DCLK1: variants seen among roughly 807,000 people sequenced by gnomAD.
The protein encoded by DCLK1 is doublecortin like kinase 1, also known as serine/threonine-protein kinase DCLK1.
DCLK1 carries 16 observed loss-of-function variants against 86.2 expected under a neutral mutation model. The observed-to-expected ratio is 0.19, with a 90% CI of 0.13 to 0.28. The LOEUF (loss-of-function observed/expected upper bound fraction) is 0.28, where lower values mean the gene tolerates loss of function less well. Among genes scored for constraint, DCLK1 ranks in the 10% least tolerant of loss-of-function variants. The pLI, the probability that DCLK1 is intolerant of heterozygous loss-of-function variation, is 1.00. For synonymous variants in DCLK1, 369 were observed against 370.5 expected, an observed-to-expected ratio of 1.00 and a Z score of 0.05; for missense variants, 590 against 940.2, an observed-to-expected ratio of 0.63 and a Z score of 4.87.
chr13:36,018,061 C>T (rs529757895), intron 3 of DCLK1, among the ~76,000 whole-genome samples: 1 of 152,306 alleles, frequency 6.6e-6, no homozygotes, highest in East Asian at 1.9e-4. Flanking sequence ...GAAAGATTAA[C>T]ACACTTGCCT....
intron 8 of DCLK1, among the ~76,000 whole-genome samples, chr13:35,835,013 C>T (rs965676800): frequency 1.3e-5 from 2 of 152,156 alleles, no homozygotes; most frequent in Non-Finnish European, 2.9e-5. Flanking sequence ...AGATGTGGGG[C>T]CCTGTAGAGA....
At chr13:36,003,483 T>G (rs1009091584) in intron 3 of DCLK1, among the ~76,000 whole-genome samples, 2 of 152,214 alleles carry the variant, frequency 1.3e-5, no homozygotes, top group Non-Finnish European at 2.9e-5. Flanking sequence ...TTTAACTTCT[T>G]ATAGGTTATC....
chr13:35,826,420 G>A (rs964310771), intron 10 of DCLK1, among the ~76,000 whole-genome samples: 3 of 151,218 alleles, frequency 2.0e-5, no homozygotes, highest in Non-Finnish European at 4.4e-5. Flanking sequence ...CTACTAGGGA[G>A]GCTGAGGCAG....
At chr13:36,069,459 C>T (rs1298028944) in intron 3 of DCLK1, among the ~76,000 whole-genome samples, 1 of 152,164 alleles carries the variant, frequency 6.6e-6, no homozygotes. Flanking sequence ...GTTTTTCACC[C>T]TGAGGCTCCA....
intron 4 of DCLK1, among the ~76,000 whole-genome samples, chr13:35,942,983 C>T (rs899099928): frequency 6.6e-6 from 1 of 152,136 alleles, no homozygotes; most frequent in Non-Finnish European, 1.5e-5. Flanking sequence ...TGAACAGCTC[C>T]CACCAATGTC....
chr13:35,903,583 A>G (rs964828416), intron 4 of DCLK1, among the ~76,000 whole-genome samples: 10 of 152,112 alleles, frequency 6.6e-5, no homozygotes, highest in Non-Finnish European at 1.2e-4. Flanking sequence ...AATATTTTCT[A>G]AGGAACAGGA....
At chr13:36,080,621 T>G (rs1395039331) in intron 3 of DCLK1, among the ~76,000 whole-genome samples, 1 of 152,194 alleles carries the variant, frequency 6.6e-6, no homozygotes, top group Non-Finnish European at 1.5e-5. Context: ...AAAAATAATT[T>G]ATTGATTCTT....
chr13:36,090,447 C>CTT lies in DCLK1; in HGVS notation c.723+21420_723+21421dup, dbSNP rs750342945. The stretch of plus-strand genomic sequence containing the variant: ...CAACAAGCTGTTTGGAGAACTGGGA[C>CTT]TTAGGGTGTACAGGGGAAAATGGCA... On this transcript the variant is annotated intron_variant, in intron 3 of 16. Transcript: ENST00000360631. 2.6e-5 allele frequency among the ~76,000 whole-genome samples: 4 copies of CTT among 152,124 alleles called. No individual in the cohort carries two copies. The South Asian group carries it at 6.2e-4, about 24-fold the overall frequency.
intron 4 of DCLK1, among the ~76,000 whole-genome samples, chr13:35,945,321 C>T (rs1877315076): frequency 6.6e-6 from 1 of 152,194 alleles, no homozygotes; most frequent in Admixed American, 6.5e-5. Flanking sequence ...ACCTGCTGGT[C>T]ATAGCAGGTG....
chr13:35,850,458 A>C (rs1870529253), intron 6 of DCLK1: 1 of 1,139,868 alleles, frequency 8.8e-7, no homozygotes, highest in Non-Finnish European at 1.1e-6. Flanking sequence ...ATCTAGAGCC[A>C]GGCCCTGTAC....
chr13:35,913,100 T>C (rs897718641), intron 4 of DCLK1, among the ~76,000 whole-genome samples: 10 of 152,232 alleles, frequency 6.6e-5, no homozygotes, highest in Admixed American at 6.5e-4. Context: ...TTCAAAGATA[T>C]GTGACTTATT....
chr13:35,966,577 G>T (rs950981595), intron 3 of DCLK1, among the ~76,000 whole-genome samples: 1 of 137,866 alleles, frequency 7.3e-6, no homozygotes, highest in African/African-American at 2.7e-5. Flanking sequence ...CTGTACTGCC[G>T]CCATCTCGAC....
intron 6 of DCLK1, 36 bp from the exon 7 acceptor site, chr13:35,839,212 G>C: frequency 6.5e-7 from 1 of 1,540,442 alleles, no homozygotes; most frequent in Non-Finnish European, 8.8e-7. Flanking sequence ...TCAAAAACTG[G>C]GTCAGAATGC....
chr13:36,074,520 GAGAAGA>G (rs1566670654), intron 3 of DCLK1, among the ~76,000 whole-genome samples: 3 of 70,518 alleles, frequency 4.3e-5, no homozygotes, highest in African/African-American at 1.2e-4. Flanking sequence ...AAAAAAAACA[GAGAAGA>G]CAATACAGTT....
intron 7 of DCLK1, among the ~76,000 whole-genome samples, chr13:35,837,680 G>A (rs7326080): frequency 0.24 from 36,201 of 151,932 alleles, 4,519 homozygotes; most frequent in Admixed American, 0.32. Context: ...TCTGGTGGGA[G>A]CATTCACTGA....
chr13:35,877,531 C>T (rs1487940063), intron 4 of DCLK1, among the ~76,000 whole-genome samples: 1 of 152,202 alleles, frequency 6.6e-6, no homozygotes, highest in African/African-American at 2.4e-5. Context: ...TGGTGACATG[C>T]TGCATGTTGG....
intron 5 of DCLK1, among the ~76,000 whole-genome samples, chr13:35,868,000 G>C (rs1381787821): frequency 6.9e-6 from 1 of 145,956 alleles, no homozygotes; most frequent in Non-Finnish European, 1.5e-5. Flanking sequence ...GGAGTATCTA[G>C]AGTATCTAAC....
At chr13:36,076,457 C>T (rs1884217180) in intron 3 of DCLK1, among the ~76,000 whole-genome samples, 1 of 152,188 alleles carries the variant, frequency 6.6e-6, no homozygotes, top group African/African-American at 2.4e-5. Flanking sequence ...TAGTCATTTG[C>T]TGAATTCCTG....
At position 35,805,644 on chromosome 13, in the gene DCLK1, T is replaced by A. The variant is rs1165518457; in HGVS notation, c.1944+55A>T. 2.5e-5 allele frequency: 39 copies of A among 1,537,066 alleles called. No homozygotes were observed. The East Asian group carries it at 8.9e-4, about 35-fold the overall frequency. On this transcript the variant is annotated intron_variant, in intron 15 of 16. Coordinates refer to ENST00000360631, the MANE Select transcript of DCLK1 (RefSeq NM_001330071.2). ...GCAATAACATTAGAAAATCTGCAACTGATTTTTAAAAGGAATGTTAGGAGA... is the reference window on the plus strand; with the variant it reads ...GCAATAACATTAGAAAATCTGCAACAGATTTTTAAAAGGAATGTTAGGAGA...
Sources: gnomAD v4.1 joint callset for allele counts (sites outside exome capture counted in the v4.1 genomes callset) on GRCh38, gnomAD v4.1.1 for gene constraint, MANE v1.5 for transcripts, NCBI Gene and HGNC (gene_info 2026-07-23, HGNC 2026-07-21) for gene names.